RHEB: variants seen among roughly 807,000 people sequenced by gnomAD.
The protein encoded by RHEB is Ras homolog, mTORC1 binding.
Under a neutral mutation model 28.8 loss-of-function variants are expected in RHEB, and 2 were observed. The observed-to-expected ratio is 0.07, with a 90% confidence interval of 0.03 to 0.22. The LOEUF is 0.22. Ranked by LOEUF, RHEB falls within the 10% of genes least tolerant of loss-of-function variation. The probability of loss-of-function intolerance (pLI) is 1.00; values close to 1 mark genes in which losing one functional copy is unlikely to be tolerated. For missense variants in RHEB, 76 were observed against 219.9 expected (o/e 0.35, Z 4.14); for synonymous variants, 69 against 77.3 (o/e 0.89, Z 0.56).
At chr7:151,502,424 A>G in intron 1 of RHEB, 1 of 808,900 alleles carries the variant, frequency 1.2e-6, no homozygotes, top group Non-Finnish European at 2.2e-6. Context: ...TATACAACAA[A>G]GGCTCAAACT....
chr7:151,491,846 T>C (rs1402681957), intron 1 of RHEB, among the ~76,000 whole-genome samples: 1 of 152,200 alleles, frequency 6.6e-6, no homozygotes, highest in African/African-American at 2.4e-5. Context: ...TAGCAGTATC[T>C]AGAAATTAAG....
intron 1 of RHEB, among the ~76,000 whole-genome samples, chr7:151,494,324 C>G (rs543115241): frequency 6.6e-6 from 1 of 152,338 alleles, no homozygotes; most frequent in South Asian, 2.1e-4. Context: ...GACAACCTGA[C>G]TTGCGGGAGT....
In RHEB at chr7:151,519,281, C is replaced by T. The variant is rs1385257802; in HGVS notation, c.52+179G>A. The T allele has an allele frequency of 9.6e-6, 3 of 314,098 alleles. No individual in the cohort carries two copies. The East Asian group carries it at 2.1e-4, about 22-fold the overall frequency. The allele number at this position is 314,098 out of a possible 1,614,324, so 19.5% of individuals were successfully genotyped here. A position where few individuals can be genotyped will look rare whatever the true frequency, so the allele number is the denominator to read the frequency against. ...CCAGCTACCGCGGCTCCTCCACCGGCGCGGACGCCGCCCCGACCGCCACCA... is the reference window on the plus strand; with the variant it reads ...CCAGCTACCGCGGCTCCTCCACCGGTGCGGACGCCGCCCCGACCGCCACCA... On this transcript the variant is annotated intron_variant, in intron 1 of 7. Transcript: ENST00000262187.
At chr7:151,481,947 G>T (rs1281584327) in intron 3 of RHEB, among the ~76,000 whole-genome samples, 1 of 152,198 alleles carries the variant, frequency 6.6e-6, no homozygotes, top group Non-Finnish European at 1.5e-5. Context: ...GTACATTTAT[G>T]TTCCAGGGCA....
intron 4 of RHEB, among the ~76,000 whole-genome samples, chr7:151,474,104 T>C (rs1454891353): frequency 6.6e-6 from 1 of 152,196 alleles, no homozygotes; most frequent in African/African-American, 2.4e-5. Flanking sequence ...TGACTGAATG[T>C]ATATTTATGC....
At chr7:151,503,341 C>A in intron 1 of RHEB, 2 of 878,210 alleles carry the variant, frequency 2.3e-6, no homozygotes, top group African/African-American at 1.6e-5. Flanking sequence ...AGATAAAATG[C>A]AAGACGGGTC....
chr7:151,519,877 G>C lies in RHEB; in HGVS notation c.-366C>G, dbSNP rs1217486822. The C allele has an allele frequency of 5.3e-6, 1 of 190,086 alleles. No individual in the cohort carries two copies. The highest frequency in any genetic ancestry group is 1.2e-4 in the East Asian group (1 of 8,244). The allele number at this position is 190,086 out of a possible 1,614,324, so 11.8% of individuals were successfully genotyped here. A position where few individuals can be genotyped will look rare whatever the true frequency, so the allele number is the denominator to read the frequency against. ...CCCAGAAAAGTCACGACTGAAACTC[G>C]CTGCGTCATGACCCTCCCACCTTCT... On this transcript the variant is annotated 5_prime_UTR_variant, in exon 1 of 8. Transcript: ENST00000262187.
chr7:151,477,252 A>G, intron 4 of RHEB, 81 bp downstream of exon 4: 2 of 835,692 alleles, frequency 2.4e-6, no homozygotes, highest in South Asian at 1.6e-5. Flanking sequence ...GTCACTATTA[A>G]TAATTCCAGC....
intron 3 of RHEB, among the ~76,000 whole-genome samples, chr7:151,479,046 T>C (rs977027685): frequency 1.3e-5 from 2 of 151,996 alleles, no homozygotes; most frequent in African/African-American, 4.8e-5. Context: ...ATAATAGCAA[T>C]ATAACAATAT....
At chr7:151,503,593 T>C (rs569002670) in intron 1 of RHEB, 2 of 468,714 alleles carry the variant, frequency 4.3e-6, no homozygotes, top group South Asian at 2.3e-5. Context: ...GTACTGGTTA[T>C]TGAAAAGATA....
intron 1 of RHEB, chr7:151,502,425 G>T: frequency 1.2e-6 from 1 of 810,400 alleles, no homozygotes; most frequent in Non-Finnish European, 2.2e-6. Context: ...ATACAACAAA[G>T]GCTCAAACTT....
intron 1 of RHEB, among the ~76,000 whole-genome samples, chr7:151,511,716 C>T (rs1027808212): frequency 4.6e-5 from 7 of 150,578 alleles, no homozygotes; most frequent in South Asian, 2.1e-4. Flanking sequence ...GGCGCGATCT[C>T]GACTCACTGC....
intron 1 of RHEB, among the ~76,000 whole-genome samples, chr7:151,499,494 T>C (rs899603840): frequency 3.3e-5 from 5 of 152,232 alleles, no homozygotes; most frequent in South Asian, 2.1e-4. Flanking sequence ...TTAAGCGCTC[T>C]GGGCCTCAAA....
At chr7:151,504,956 T>C (rs1371312776) in intron 1 of RHEB, among the ~76,000 whole-genome samples, 1 of 151,820 alleles carries the variant, frequency 6.6e-6, no homozygotes, top group Non-Finnish European at 1.5e-5. Context: ...TTAAAAAATC[T>C]TCACCCTTAC....
rs929321088 is a variant in RHEB, at chr7:151,519,703, C to G, written c.-192G>C. ...GAACCGACCGCGCGGCGGCGCCCCT[C>G]CCCCCCACAACACGCCCACGTGACC... On this transcript the variant is annotated 5_prime_UTR_variant, in exon 1 of 8. Coordinates refer to ENST00000262187, the MANE Select transcript of RHEB (RefSeq NM_005614.4). 1 of 378,368 alleles carries G rather than the reference C, an allele frequency of 2.6e-6. No homozygotes were observed. Among genetic ancestry groups the G allele is most frequent in the Non-Finnish European group, 4.6e-6 (1 of 218,368 alleles). 23.4% of individuals were successfully genotyped at this position (378,368 alleles called of 1,614,324 possible).
chr7:151,500,616 C>A (rs1051817564), intron 1 of RHEB, among the ~76,000 whole-genome samples: 9 of 152,014 alleles, frequency 5.9e-5, no homozygotes, highest in Non-Finnish European at 1.0e-4. Flanking sequence ...AGCCAAGGTG[C>A]GAAGATCGCT....
intron 1 of RHEB, chr7:151,503,505 C>A (rs945140130): frequency 1.2e-6 from 1 of 865,630 alleles, no homozygotes; most frequent in Non-Finnish European, 1.9e-6. Context: ...CAGCATCCAA[C>A]CCAAGAAGCA....
chr7:151,503,251 G>A lies in RHEB; in HGVS notation c.53-12237C>T, dbSNP rs190819973. The A allele has an allele frequency of 8.1e-4, 631 of 783,756 alleles. 4 individuals carry two copies. The African/African-American group carries it at 9.4e-3, about 12-fold the overall frequency. 48.6% of individuals were successfully genotyped at this position (783,756 alleles called of 1,614,324 possible). ...AGACAAAGAGACCGGACAGGAACAT[G>A]AGCTTATCGAGAGCATGCCCCTGTT... On this transcript the variant is annotated intron_variant, in intron 1 of 7. Coordinates refer to ENST00000262187, the MANE Select transcript of RHEB (RefSeq NM_005614.4).
intron 7 of RHEB, 58 bp from the exon 8 acceptor site, chr7:151,467,269 T>C (rs1360506010): frequency 1.6e-6 from 2 of 1,275,602 alleles, no homozygotes; most frequent in African/African-American, 2.9e-5. Context: ...TCCGAGAGTA[T>C]TTTACGGACT....
Sources: allele counts gnomAD v4.1 joint callset (sites outside exome capture counted in the v4.1 genomes callset), GRCh38; gene constraint gnomAD v4.1.1; transcripts MANE v1.5; gene names NCBI Gene and HGNC (gene_info 2026-07-23, HGNC 2026-07-21).